Variants in SPATA2 observed in about 807,000 individuals in gnomAD.
SPATA2 encodes spermatogenesis-associated protein 2.
Under a neutral mutation model 35.4 loss-of-function variants are expected in SPATA2, and 8 were observed. The ratio of observed to expected loss-of-function variants is 0.23; its 90% confidence interval spans 0.13 to 0.41. SPATA2 has a LOEUF of 0.41. Among genes scored for constraint, SPATA2 ranks in the 10% least tolerant of loss-of-function variants. The probability of loss-of-function intolerance (pLI) is 1.00; values close to 1 mark genes in which losing one functional copy is unlikely to be tolerated. For missense variants in SPATA2, 650 were observed against 698.7 expected (o/e 0.93, Z 0.79); for synonymous variants, 293 against 300.9 (o/e 0.97, Z 0.27).
Position 49,905,893 on chromosome 20 carries a change from C to G in SPATA2, c.1289G>C (p.Arg430Pro). The change falls in exon 3 of 3, where the codon CGG becomes CCG. Residue 430 changes from arginine (R) to proline (P), a missense_variant. Coordinates refer to ENST00000289431, the MANE Select transcript of SPATA2 (RefSeq NM_006038.4). ...CTGAGTCTGGCCTGGGTACTTCTCC[C>G]GCAGAGATGCCCCGTGGGCCAGGCT... ...HDSLAHGASLREKYPGQTQGL... is the reference protein window; with the variant it reads ...HDSLAHGASLPEKYPGQTQGL... 6.2e-7 allele frequency: 1 copy of G among 1,612,796 alleles called. No individual in the cohort carries two copies. The highest frequency in any genetic ancestry group is 8.5e-7 in the Non-Finnish European group (1 of 1,180,004).
intron 1 of SPATA2, among the ~76,000 whole-genome samples, chr20:49,912,009 C>T (rs1362375929): frequency 6.6e-6 from 1 of 152,248 alleles, no homozygotes; most frequent in Non-Finnish European, 1.5e-5. Context: ...ATGGGTGGGA[C>T]AGGTAGAGGA....
At chr20:49,914,707 C>T (rs1000511776) in intron 1 of SPATA2, among the ~76,000 whole-genome samples, 2 of 152,284 alleles carry the variant, frequency 1.3e-5, no homozygotes, top group South Asian at 2.1e-4. Flanking sequence ...CTCGGAGAAG[C>T]TCTGAAGGAA....
chr20:49,913,288 G>A (rs2090191453), intron 1 of SPATA2, among the ~76,000 whole-genome samples: 1 of 152,162 alleles, frequency 6.6e-6, no homozygotes, highest in Admixed American at 6.5e-5. Context: ...GGTCAGAGCT[G>A]GAATCTGAAC....
Position 49,906,874 on chromosome 20 carries a change from T to C in SPATA2, c.337-29A>G. 6.3e-7 allele frequency: 1 copy of C among 1,577,018 alleles called. No homozygotes were observed. Among genetic ancestry groups the C allele is most frequent in the East Asian group, 2.3e-5 (1 of 44,384 alleles). On this transcript the variant is annotated intron_variant, in intron 2 of 2. Transcript: ENST00000289431. This position sits in a 1 kb window ranked among gnomAD's most constrained non-coding sequence, Gnocchi z 8.2. Reference sequence around the variant, plus strand: ...GAAGGGAGGGAGTAGAAAAGAAAGGTGGGGTTTTCTGTCAGAGACACAAGA... The same window carrying C: ...GAAGGGAGGGAGTAGAAAAGAAAGGCGGGGTTTTCTGTCAGAGACACAAGA...
chr20:49,911,622 G>A (rs1022071535), intron 1 of SPATA2, among the ~76,000 whole-genome samples: 5 of 150,728 alleles, frequency 3.3e-5, no homozygotes, highest in Admixed American at 2.0e-4. Context: ...AGCCGAGATC[G>A]CCCCATTGCA....
Position 49,906,742 on chromosome 20 carries a change from G to A in SPATA2, c.440C>T (p.Ala147Val), listed in dbSNP as rs538658037. 9.9e-6 allele frequency: 16 copies of A among 1,614,244 alleles called. No homozygotes were observed. The Admixed American group carries it at 2.5e-4, about 25-fold the overall frequency. ...CMGYTPELGT[A>V]YKLRELVETL... ...CTCCACGAGCTCTCTGAGCTTGTATGCAGTGCCCAGCTCAGGTGTGTAGCC... is the reference window on the plus strand; with the variant it reads ...CTCCACGAGCTCTCTGAGCTTGTATACAGTGCCCAGCTCAGGTGTGTAGCC... The change falls in exon 3 of 3, where the codon GCA becomes GTA. Residue 147 changes from alanine to valine, a missense_variant. Physicochemically the swap from Ala to Val is moderately conservative, Grantham distance 64 (BLOSUM62 0). Coordinates refer to ENST00000289431, the MANE Select transcript of SPATA2 (RefSeq NM_006038.4). This position sits in a 1 kb window ranked among gnomAD's most constrained non-coding sequence, Gnocchi z 8.2.
rs1200259909 is a variant in SPATA2 at position 49,905,784 on chromosome 20, T to C, written c.1398A>G (p.Pro466=). ...ACTGGGTGCAGGTGTTGGTGGCGCC[T>C]GGGCGGTTGCAGAAGCCACAGCGGG... ...PTSRCGFCNR[P]GATNTCTQCS... is the part of the protein sequence containing the mutation. The change falls in exon 3 of 3, where the codon CCA becomes CCG. Residue 466 remains proline (P), a synonymous_variant. Coordinates refer to ENST00000289431, the MANE Select transcript of SPATA2 (RefSeq NM_006038.4). 6.2e-6 allele frequency: 10 copies of C among 1,613,934 alleles called. No homozygotes were observed. Among genetic ancestry groups the C allele is most frequent in the Non-Finnish European group, 8.5e-6 (10 of 1,179,994 alleles).
chr20:49,908,711 A>G (rs2090164554), intron 1 of SPATA2, 119 bp from the exon 2 acceptor site: 1 of 552,306 alleles, frequency 1.8e-6, no homozygotes, highest in Non-Finnish European at 3.2e-6. Flanking sequence ...CCAGCAGCAC[A>G]CTACAGAGCA....
At chr20:49,915,084 G>C (rs2090202094) in intron 1 of SPATA2, among the ~76,000 whole-genome samples, 1 of 152,198 alleles carries the variant, frequency 6.6e-6, no homozygotes, top group African/African-American at 2.4e-5. Context: ...ACTGCCTCGT[G>C]GCGAAATCGG....
intron 1 of SPATA2, among the ~76,000 whole-genome samples, chr20:49,914,756 G>T (rs1321738380): frequency 2.6e-5 from 4 of 152,204 alleles, no homozygotes; most frequent in Non-Finnish European, 5.9e-5. Context: ...GCTGGCGGCT[G>T]CTAAGTCCCA....
chr20:49,909,779 C>T (rs931859183), intron 1 of SPATA2, among the ~76,000 whole-genome samples: 1 of 152,186 alleles, frequency 6.6e-6, no homozygotes, highest in African/African-American at 2.4e-5. Context: ...CAGCGGGACC[C>T]TCAGCCCCAA....
rs1380747515 is a variant in SPATA2 at position 49,903,898 on chromosome 20, GAT to G, written c.*1719_*1720del. The stretch of plus-strand genomic sequence containing the variant: ...CTGTACATCTACATGTGATCTACCA[GAT>G]AGATATATATATATATATATATATA... On this transcript the variant is annotated 3_prime_UTR_variant, in exon 3 of 3. Transcript: ENST00000289431. The G allele has an allele frequency of 2.3e-5, 2 of 86,122 alleles. No homozygotes were observed. The highest frequency in any genetic ancestry group is 4.5e-5 in the Non-Finnish European group (2 of 44,314). 5.3% of individuals were successfully genotyped at this position (86,122 alleles called of 1,614,324 possible). A position where few individuals can be genotyped will look rare whatever the true frequency, so the allele number is the denominator to read the frequency against.
intron 2 of SPATA2, among the ~76,000 whole-genome samples, chr20:49,907,109 G>T (rs1458737672): frequency 6.6e-6 from 1 of 152,192 alleles, no homozygotes; most frequent in Non-Finnish European, 1.5e-5. Context: ...TGCCCAGGGT[G>T]GAGTGCGGTG....
intron 2 of SPATA2, 146 bp downstream of exon 2, chr20:49,908,009 G>T: frequency 1.2e-6 from 1 of 816,462 alleles, no homozygotes; most frequent in South Asian, 1.8e-5. Context: ...CAGAGGTGAT[G>T]CTGGAGAGAC....
intron 1 of SPATA2, among the ~76,000 whole-genome samples, chr20:49,910,681 G>A (rs1445288807): frequency 1.3e-5 from 2 of 152,154 alleles, no homozygotes; most frequent in Non-Finnish European, 2.9e-5. Flanking sequence ...AAGGTCCTAC[G>A]AGCCCAGCAA....
At chr20:49,907,063 CTCCTT>C (rs2090150593) in intron 2 of SPATA2, among the ~76,000 whole-genome samples, 2 of 152,196 alleles carry the variant, frequency 1.3e-5, no homozygotes, top group Non-Finnish European at 2.9e-5. Context: ...GACCCAGCAG[CTCCTT>C]TCTTTTGTTT....
In SPATA2 at chr20:49,905,520, A is replaced by T; in HGVS notation, c.*99T>A. ...CTCTGCCACCTACATGGTCAAGTGCAGGCCTCCGCCTCTGAGATCAATGCG... is the reference window on the plus strand; with the variant it reads ...CTCTGCCACCTACATGGTCAAGTGCTGGCCTCCGCCTCTGAGATCAATGCG... On this transcript the variant is annotated 3_prime_UTR_variant, in exon 3 of 3. Transcript: ENST00000289431. 7.2e-7 allele frequency: 1 copy of T among 1,379,900 alleles called. No individual in the cohort carries two copies. The highest frequency in any genetic ancestry group is 1.4e-5 in the South Asian group (1 of 73,734). The allele number at this position is 1,379,900 out of a possible 1,614,324, so 85.5% of individuals were successfully genotyped here. A position where few individuals can be genotyped will look rare whatever the true frequency, so the allele number is the denominator to read the frequency against.
At position 49,908,437 on chromosome 20, in the gene SPATA2, C is replaced by G; in HGVS notation, c.54G>C (p.Lys18Asn). ...CTTTGCTCTCATGGAACTGCACGTA[C>G]TTCCGAAATAAGTCATCCTTGAATT... Reference protein sequence around the residue: ...DTKFKDDLFRKYVQFHESKVD... With the variant: ...DTKFKDDLFRNYVQFHESKVD... Residue 18 changes from lysine to asparagine, a missense_variant, in exon 2 of 3, where the codon AAG (lysine) becomes AAC (asparagine). Coordinates refer to ENST00000289431, the MANE Select transcript of SPATA2 (RefSeq NM_006038.4). 1 of 1,607,586 alleles carries G rather than the reference C, an allele frequency of 6.2e-7. No homozygotes were observed. The highest frequency in any genetic ancestry group is 8.5e-7 in the Non-Finnish European group (1 of 1,174,386).
At chr20:49,910,488 C>G (rs1280599480) in intron 1 of SPATA2, among the ~76,000 whole-genome samples, 2 of 152,144 alleles carry the variant, frequency 1.3e-5, no homozygotes, top group Non-Finnish European at 2.9e-5. Flanking sequence ...TTCACATGCT[C>G]TGGTCCTGCT....
Sources: gnomAD v4.1 joint callset for allele counts (sites outside exome capture counted in the v4.1 genomes callset) on GRCh38, gnomAD v4.1.1 for gene constraint, Gnocchi (gnomAD v3.1) non-coding constraint, MANE v1.5 for transcripts, NCBI Gene and HGNC (gene_info 2026-07-23, HGNC 2026-07-21) for gene names.